Variants in NRG1 observed in about 807,000 individuals in gnomAD.
NRG1 encodes the protein pro-neuregulin-1, membrane-bound isoform.
NRG1 carries 18 observed loss-of-function variants against 63.8 expected under a neutral mutation model. The ratio of observed to expected loss-of-function variants is 0.28; its 90% CI spans 0.19 to 0.42. The LOEUF (loss-of-function observed/expected upper bound fraction) is 0.42, where lower values mean the gene tolerates loss of function less well. Ranked by LOEUF, NRG1 falls within the 10% of genes least tolerant of loss-of-function variation. The probability of loss-of-function intolerance (pLI) is 1.00; values close to 1 mark genes in which losing one functional copy is unlikely to be tolerated. For synonymous variants in NRG1, 302 were observed against 301.3 expected (o/e 1.00, Z -0.02); for missense variants, 762 against 814.7 (o/e 0.94, Z 0.79).
chr8:31,828,200 G>T (rs1824759955), intron 1 of NRG1, among the ~76,000 whole-genome samples: 1 of 152,094 alleles, frequency 6.6e-6, no homozygotes, highest in African/African-American at 2.4e-5. Context: ...GTGTATTTAT[G>T]GCATTATCTA....
chr8:32,724,520 C>T (rs1173135827), intron 5 of NRG1, among the ~76,000 whole-genome samples: 6 of 152,018 alleles, frequency 3.9e-5, no homozygotes, highest in Non-Finnish European at 7.4e-5. Flanking sequence ...TGAGTGTGTA[C>T]GGCACAGAGA....
At chr8:32,488,706 C>T (rs1409527460) in intron 1 of NRG1, among the ~76,000 whole-genome samples, 1 of 152,192 alleles carries the variant, frequency 6.6e-6, no homozygotes, top group African/African-American at 2.4e-5. Context: ...TTCAGTGATG[C>T]TCTCTTAACT....
At chr8:31,834,109 C>T (rs556109069) in intron 1 of NRG1, among the ~76,000 whole-genome samples, 1 of 152,218 alleles carries the variant, frequency 6.6e-6, no homozygotes, top group South Asian at 2.1e-4. Flanking sequence ...TAAACCTGCC[C>T]TATCAATAAT....
At chr8:31,708,823 A>G (rs1194949750) in intron 1 of NRG1, among the ~76,000 whole-genome samples, 1 of 152,112 alleles carries the variant, frequency 6.6e-6, no homozygotes, top group Non-Finnish European at 1.5e-5. Flanking sequence ...CTCCACATTT[A>G]TAGTTGACCC....
intron 1 of NRG1, among the ~76,000 whole-genome samples, chr8:32,293,076 C>G (rs576358684): frequency 6.6e-6 from 1 of 151,994 alleles, no homozygotes; most frequent in African/African-American, 2.4e-5. Context: ...TGCACTCCAG[C>G]CTGGGCAACA....
chr8:32,645,926 T>C (rs2129546501), intron 5 of NRG1, among the ~76,000 whole-genome samples: 1 of 152,290 alleles, frequency 6.6e-6, no homozygotes, highest in East Asian at 1.9e-4. Flanking sequence ...TACTGAAAGG[T>C]AAAGCTCCTG....
rs187069704 is a variant in NRG1, at chr8:32,423,032, A to C, written c.38-172796A>C. On this transcript the variant is annotated intron_variant, in intron 1 of 10. Coordinates refer to the NRG1 transcript ENST00000519301. The stretch of plus-strand genomic sequence containing the variant: ...CCCAGTGACCCAGTACAAGTTGTCA[A>C]CTGCACTCCCCATGAAAGAGAGATT... Among the ~76,000 whole-genome samples, 91 of 152,308 alleles carry C rather than the reference A, an allele frequency of 6.0e-4. 1 individual carries two copies. In the East Asian group the frequency reaches 0.016, roughly 27 times the overall value.
At chr8:32,747,424 G>A (rs545885920) in intron 7 of NRG1, among the ~76,000 whole-genome samples, 7 of 152,142 alleles carry the variant, frequency 4.6e-5, no homozygotes, top group African/African-American at 7.2e-5. Flanking sequence ...ATGTTTTCAC[G>A]TGGATGTTCC....
intron 1 of NRG1, among the ~76,000 whole-genome samples, chr8:31,657,722 C>G (rs1057154074): frequency 2.0e-5 from 3 of 152,154 alleles, no homozygotes; most frequent in Non-Finnish European, 4.4e-5. Context: ...ACATATCTTA[C>G]GTCATTTATT....
intron 1 of NRG1, among the ~76,000 whole-genome samples, chr8:32,538,864 A>G (rs35836117): frequency 0.054 from 8,284 of 152,296 alleles, 302 homozygotes; most frequent in Middle Eastern, 0.085. Context: ...ACTTGAAAAC[A>G]AGTAATTATA....
At chr8:32,109,244 T>C (rs937761597) in intron 1 of NRG1, among the ~76,000 whole-genome samples, 4 of 152,134 alleles carry the variant, frequency 2.6e-5, no homozygotes, top group Non-Finnish European at 5.9e-5. Flanking sequence ...TGCACACATA[T>C]CATTCATTCT....
At chr8:31,941,820 A>G (rs1801795265) in intron 1 of NRG1, among the ~76,000 whole-genome samples, 3 of 152,178 alleles carry the variant, frequency 2.0e-5, no homozygotes, top group Non-Finnish European at 4.4e-5. Context: ...ATACATAGGA[A>G]TATACCTAAA....
intron 1 of NRG1, among the ~76,000 whole-genome samples, chr8:31,735,901 A>C (rs563824024): frequency 4.9e-4 from 74 of 152,114 alleles, no homozygotes; most frequent in Admixed American, 1.1e-3. Flanking sequence ...ACTTCTTACC[A>C]CTTTAACTGC....
chr8:32,434,717 A>G (rs925793248), intron 1 of NRG1, among the ~76,000 whole-genome samples: 1 of 152,192 alleles, frequency 6.6e-6, no homozygotes, highest in Non-Finnish European at 1.5e-5. Flanking sequence ...AATAACTTAC[A>G]GGAGATTGCC....
rs529536152 is a variant in NRG1, at chr8:31,802,157, A to T, written c.37+162726A>T. Among the ~76,000 whole-genome samples, 30 of 152,284 alleles carry T rather than the reference A, an allele frequency of 2.0e-4. No individual in the cohort carries two copies. The South Asian group carries it at 5.8e-3, about 29-fold the overall frequency. The stretch of plus-strand genomic sequence containing the variant: ...TTTATATTTTTCAAATGTGTAGTAT[A>T]CTCTTGCTTTTAGTCGTCTATTACC... On this transcript the variant is annotated intron_variant, in intron 1 of 10. Coordinates refer to the NRG1 transcript ENST00000519301.
intron 1 of NRG1, among the ~76,000 whole-genome samples, chr8:31,935,157 G>A (rs1315101995): frequency 6.7e-6 from 1 of 150,108 alleles, no homozygotes; most frequent in Non-Finnish European, 1.5e-5. Flanking sequence ...TTTGAGATAG[G>A]GTCTTCCTCA....
chr8:31,756,801 A>G (rs1817009748), intron 1 of NRG1, among the ~76,000 whole-genome samples: 1 of 152,204 alleles, frequency 6.6e-6, no homozygotes, highest in South Asian at 2.1e-4. Flanking sequence ...AAGAAGGGTC[A>G]CGCTTAATAG....
At chr8:32,127,049 G>A (rs915485414) in intron 1 of NRG1, among the ~76,000 whole-genome samples, 1 of 151,874 alleles carries the variant, frequency 6.6e-6, no homozygotes, top group Non-Finnish European at 1.5e-5. Context: ...TCTCCATTTT[G>A]TATTAATGTA....
At chr8:32,362,598 T>G (rs770255862) in intron 1 of NRG1, among the ~76,000 whole-genome samples, 3 of 152,190 alleles carry the variant, frequency 2.0e-5, no homozygotes, top group Non-Finnish European at 2.9e-5. Context: ...ATGAGACTAC[T>G]GAGACAATCA....
Sources: gnomAD v4.1 joint callset for allele counts (sites outside exome capture counted in the v4.1 genomes callset) on GRCh38, gnomAD v4.1.1 for gene constraint, MANE v1.5 for transcripts, NCBI Gene and HGNC (gene_info 2026-07-23, HGNC 2026-07-21) for gene names.